RP1: variants seen among roughly 807,000 people sequenced by gnomAD.
RP1 encodes oxygen-regulated protein 1.
A neutral mutation model predicts 14.8 loss-of-function variants in RP1; 16 were observed. The ratio of observed to expected loss-of-function variants is 1.08; its 90% CI spans 0.73 to 1.65. RP1 has a LOEUF of 1.65. Ranked by LOEUF, RP1 falls within the 40% of genes most tolerant of loss-of-function variation. RP1 has a pLI of 0.00. For synonymous variants in RP1, 876 were observed against 883.6 expected, an observed-to-expected ratio of 0.99 and a Z score of 0.15; for missense variants, 2,631 against 2,535.0, an observed-to-expected ratio of 1.04 and a Z score of -0.81.
At chr8:54,864,227 C>T (rs556358111) in intron 27 of RP1, among the ~76,000 whole-genome samples, 26 of 151,846 alleles carry the variant, frequency 1.7e-4, no homozygotes, top group African/African-American at 6.3e-4. Flanking sequence ...ACGAAGGTGT[C>T]GATAAAAACT....
intron 15 of RP1, among the ~76,000 whole-genome samples, chr8:54,712,685 TTTC>T (rs1808320249): frequency 6.6e-6 from 1 of 152,256 alleles, no homozygotes; most frequent in Non-Finnish European, 1.5e-5. Context: ...ATTGTAGTGT[TTTC>T]TTTGACTTGT....
At chr8:54,714,245 A>AGGGGCCGGGCGCGGTGGCTCACGCCTGT (rs1808352914) in intron 15 of RP1, among the ~76,000 whole-genome samples, 1 of 152,164 alleles carries the variant, frequency 6.6e-6, no homozygotes, top group Non-Finnish European at 1.5e-5. Flanking sequence ...ACTTAGAAAC[A>AGGGGCCGGGCGCGGTGGCTCACGCCTGT]AAGATAATAA....
In RP1 at chr8:54,863,044, G is replaced by GATATATATATAT. The variant is rs61233765; in HGVS notation, c.4070-2768_4070-2757dup. 3.5e-3 allele frequency among the ~76,000 whole-genome samples: 354 copies of GATATATATATAT among 101,804 alleles called. 13 individuals carry two copies. The highest frequency in any genetic ancestry group is 4.7e-3 in the Admixed American group (43 of 9,068). 66.8% of individuals were successfully genotyped at this position (101,804 alleles called of 152,430 possible). A position where few individuals can be genotyped will look rare whatever the true frequency, so the allele number is the denominator to read the frequency against. On this transcript the variant is annotated intron_variant, in intron 27 of 28. Coordinates refer to the RP1 transcript ENST00000637698. ...CTCTACCCCCAGAGTATTCCAAATG[G>GATATATATATAT]ATATATATATATATATATATATATA...
At chr8:54,828,045 G>T (rs6983242) in intron 24 of RP1, among the ~76,000 whole-genome samples, 47,803 of 151,888 alleles carry the variant, frequency 0.31, 7,674 homozygotes, top group South Asian at 0.37. Flanking sequence ...CCCACTGGAA[G>T]GTCTTCAGCG....
chr8:54,582,680 G>C (rs1563317882), intron 1 of RP1, among the ~76,000 whole-genome samples: 1 of 151,948 alleles, frequency 6.6e-6, no homozygotes, highest in Admixed American at 6.6e-5. Context: ...TTATTTCATT[G>C]AGCAGTGGTT....
Position 54,626,441 on chromosome 8 carries a change from G to A in RP1, c.2559G>A (p.Lys853=), listed in dbSNP as rs1806052718. Residue 853 remains lysine (K), a synonymous_variant, in exon 4 of 4, where the codon AAG becomes AAA. Transcript: ENST00000220676. The part of the protein sequence containing the change: ...ASGYLRGMAK[K]SLVSKVTDSH... Reference sequence around the variant, plus strand: ...GGTATTTGAGAGGAATGGCAAAGAAGAGTTTAGTTTCAAAAGTTACTGATT... The same window carrying A: ...GGTATTTGAGAGGAATGGCAAAGAAAAGTTTAGTTTCAAAAGTTACTGATT... 1.2e-6 allele frequency: 2 copies of A among 1,613,710 alleles called. No homozygotes were observed. The highest frequency in any genetic ancestry group is 1.7e-6 in the Non-Finnish European group (2 of 1,179,890).
intron 24 of RP1, among the ~76,000 whole-genome samples, chr8:54,797,200 CA>C (rs1810597850): frequency 6.6e-6 from 1 of 152,074 alleles, no homozygotes; most frequent in Admixed American, 6.6e-5. Flanking sequence ...TCAGATCCTT[CA>C]AAAATCAAGA....
At chr8:54,585,270 G>T (rs916721501) in intron 1 of RP1, among the ~76,000 whole-genome samples, 17 of 152,148 alleles carry the variant, frequency 1.1e-4, no homozygotes, top group African/African-American at 3.9e-4. Context: ...TAGTTTGGCT[G>T]GATATGAAAT....
At chr8:54,713,139 T>C (rs2129347437) in intron 15 of RP1, among the ~76,000 whole-genome samples, 1 of 152,244 alleles carries the variant, frequency 6.6e-6, no homozygotes, top group Middle Eastern at 3.4e-3. Context: ...ACATGTCTGC[T>C]GTTGTAAATT....
At chr8:54,776,102 A>G (rs1810031721) in intron 23 of RP1, among the ~76,000 whole-genome samples, 1 of 152,222 alleles carries the variant, frequency 6.6e-6, no homozygotes, top group African/African-American at 2.4e-5. Flanking sequence ...CAGCATTTAT[A>G]CTGTGTTAGT....
chr8:54,867,018 T>A (rs1324343331), intron 28 of RP1, among the ~76,000 whole-genome samples: 4 of 152,054 alleles, frequency 2.6e-5, no homozygotes, highest in Non-Finnish European at 4.4e-5. Flanking sequence ...AAAAGTAGAG[T>A]TCTTGTCTTC....
chr8:54,691,053 A>G (rs943247604), intron 12 of RP1, among the ~76,000 whole-genome samples: 1 of 152,016 alleles, frequency 6.6e-6, no homozygotes, highest in Non-Finnish European at 1.5e-5. Flanking sequence ...AGCTTCCTTT[A>G]TTCCCTCCTG....
chr8:54,634,047 T>C (rs909781320), downstream of RP1, among the ~76,000 whole-genome samples: 3 of 152,140 alleles, frequency 2.0e-5, no homozygotes, highest in Admixed American at 6.5e-5. Flanking sequence ...AGATCTACCC[T>C]GAAAACAAAA....
intron 24 of RP1, among the ~76,000 whole-genome samples, chr8:54,794,911 T>C (rs1294619331): frequency 6.6e-6 from 1 of 151,762 alleles, no homozygotes; most frequent in Non-Finnish European, 1.5e-5. Flanking sequence ...CCAAATAATA[T>C]AATTTAAAAA....
intron 13 of RP1, among the ~76,000 whole-genome samples, chr8:54,700,533 T>G (rs1807989248): frequency 6.6e-6 from 1 of 152,186 alleles, no homozygotes; most frequent in Non-Finnish European, 1.5e-5. Context: ...CTGTAGTTCA[T>G]AGCACATTCT....
At chr8:54,868,318 T>C (rs995443513) in intron 28 of RP1, among the ~76,000 whole-genome samples, 7 of 152,334 alleles carry the variant, frequency 4.6e-5, no homozygotes, top group South Asian at 4.1e-4. Flanking sequence ...TACTATCATA[T>C]GGAATGATAT....
intron 24 of RP1, among the ~76,000 whole-genome samples, chr8:54,812,840 TA>T (rs1438617939): frequency 3.3e-5 from 5 of 152,040 alleles, no homozygotes; most frequent in Non-Finnish European, 7.4e-5. Flanking sequence ...TCTATTGAAT[TA>T]AAAAGTAAAG....
At chr8:54,720,186 A>C in exon 16 of RP1, 14 of 1,535,872 alleles carry the variant, frequency 9.1e-6, no homozygotes, top group Non-Finnish European at 1.1e-5. Context: ...GAATGCATCC[A>C]TAAGCCTGGA....
intron 20 of RP1, chr8:54,755,510 T>C: frequency 9.9e-7 from 1 of 1,014,910 alleles, no homozygotes; most frequent in Non-Finnish European, 1.4e-6. Context: ...TTCTCATATA[T>C]GTTTTTCTTT....
Sources: gnomAD v4.1 joint callset for allele counts (sites outside exome capture counted in the v4.1 genomes callset) on GRCh38, gnomAD v4.1.1 for gene constraint, MANE v1.5 for transcripts, NCBI Gene and HGNC (gene_info 2026-07-23, HGNC 2026-07-21) for gene names.